ABCA13: variants seen among roughly 807,000 people sequenced by gnomAD.
The protein encoded by ABCA13 is ATP binding cassette subfamily A member 13.
ABCA13 carries 476 observed loss-of-function variants against 478.7 expected under a neutral mutation model. The ratio of observed to expected loss-of-function variants is 0.99; its 90% CI spans 0.92 to 1.07. The LOEUF is 1.07. Among genes scored for constraint, ABCA13 ranks in the 50% least tolerant of loss-of-function variants. ABCA13 has a pLI of 0.00. For missense variants in ABCA13, 6,060 were observed against 5,910.6 expected (o/e 1.03, Z -0.83); for synonymous variants, 2,252 against 2,158.9 (o/e 1.04, Z -1.20).
intron 43 of ABCA13, among the ~76,000 whole-genome samples, chr7:48,459,031 A>G (rs1013912606): frequency 2.0e-5 from 3 of 152,162 alleles, no homozygotes; most frequent in African/African-American, 7.2e-5. Flanking sequence ...TTCTGAATCA[A>G]CTTGCTCTGA....
chr7:48,385,076 C>G (rs193042477), intron 35 of ABCA13, among the ~76,000 whole-genome samples: 1 of 152,222 alleles, frequency 6.6e-6, no homozygotes, highest in East Asian at 1.9e-4. Flanking sequence ...ACAACTCAGC[C>G]CACAAAGAAA....
intron 48 of ABCA13, among the ~76,000 whole-genome samples, chr7:48,502,695 A>G (rs564395892): frequency 1.3e-5 from 2 of 152,344 alleles, no homozygotes; most frequent in South Asian, 4.1e-4. Context: ...CTGTCAGTCT[A>G]TAGGAACATT....
chr7:48,488,248 T>C (rs1829523231), intron 47 of ABCA13, among the ~76,000 whole-genome samples: 1 of 151,478 alleles, frequency 6.6e-6, no homozygotes, highest in African/African-American at 2.4e-5. Flanking sequence ...TTTTTTTTTT[T>C]CTCTTTTTGG....
chr7:48,579,203 T>C (rs1788469429), intron 55 of ABCA13, among the ~76,000 whole-genome samples: 2 of 151,298 alleles, frequency 1.3e-5, no homozygotes, highest in Admixed American at 6.6e-5. Context: ...AGTCAATCCA[T>C]AGACTGGGAA....
At chr7:48,401,920 A>G (rs1817666799) in intron 38 of ABCA13, among the ~76,000 whole-genome samples, 1 of 152,214 alleles carries the variant, frequency 6.6e-6, no homozygotes, top group African/African-American at 2.4e-5. Context: ...TGCATAAGAT[A>G]TAATAGAGAG....
At chr7:48,424,205 TTA>T (rs1821122112) in intron 41 of ABCA13, among the ~76,000 whole-genome samples, 1 of 152,374 alleles carries the variant, frequency 6.6e-6, no homozygotes, top group South Asian at 2.1e-4. Context: ...GGAAGATTGT[TTA>T]TATGTTTTGA....
intron 20 of ABCA13, among the ~76,000 whole-genome samples, chr7:48,293,204 C>CCCCCCCCCCCCCCCCCCAA (rs1554419805): frequency 7.6e-6 from 1 of 131,446 alleles, no homozygotes; most frequent in Admixed American, 7.6e-5. Flanking sequence ...CCCCCCCCCG[C>CCCCCCCCCCCCCCCCCCAA]CACACACACA....
rs750733994 is a variant in ABCA13 at position 48,272,894 on chromosome 7, T to C, written c.3228T>C (p.Arg1076=). 1 of 1,610,098 alleles carries C rather than the reference T, an allele frequency of 6.2e-7. No individual in the cohort carries two copies. The part of the protein sequence containing the change: ...KQLLIIDEDF[R]ISLFQYMSQF... ...TGCTCATAATTGATGAAGATTTTCG[T>C]ATTTCTTTATTTCAATATATGAGCC... Residue 1076 remains arginine (R), a synonymous_variant, in exon 17 of 62, where the codon CGT becomes CGC. Transcript: ENST00000435803.
rs914222442 is a variant in ABCA13 at position 48,388,113 on chromosome 7, A to G, written c.11473+154A>G. Among the ~76,000 whole-genome samples the G allele has an allele frequency of 3.9e-5, 6 of 152,138 alleles. No individual in the cohort carries two copies. The East Asian group carries it at 1.2e-3, about 29-fold the overall frequency. ...TGTCTTGGGCTGGGAAACAGCTGCA[A>G]GCCCAAGATGTGGGAAAGTATGCCA... On this transcript the variant is annotated intron_variant, in intron 36 of 61. Transcript: ENST00000435803.
Position 48,403,739 on chromosome 7 carries a change from C to G in ABCA13, c.11930C>G (p.Ser3977Cys). ...QHQHKQTRAL[S>C]GGLKRKLSLG... ...CAGCACAAACAGACCCGAGCTCTGT[C>G]TGGAGGCCTGAAGAGGAAGCTCTCC... Residue 3977 changes from serine to cysteine, a missense_variant, in exon 39 of 62, where the codon TCT becomes TGT. Transcript: ENST00000435803. The G allele has an allele frequency of 1.9e-6, 3 of 1,613,988 alleles. No homozygotes were observed. The highest frequency in any genetic ancestry group is 2.2e-5 in the South Asian group (2 of 91,072).
intron 40 of ABCA13, among the ~76,000 whole-genome samples, chr7:48,411,043 CTT>C (rs1224699953): frequency 4.5e-5 from 4 of 89,380 alleles, no homozygotes; most frequent in African/African-American, 1.2e-4. Flanking sequence ...TTCTTTCTTT[CTT>C]TCTTTTTCTT....
chr7:48,260,943 T>C (rs1235647842), intron 15 of ABCA13, among the ~76,000 whole-genome samples: 1 of 152,040 alleles, frequency 6.6e-6, no homozygotes, highest in Non-Finnish European at 1.5e-5. Context: ...AGCAACTTTT[T>C]CAGGGAACAC....
chr7:48,175,883 A>G (rs1016024555), intron 1 of ABCA13, among the ~76,000 whole-genome samples: 6 of 96,676 alleles, frequency 6.2e-5, no homozygotes, highest in African/African-American at 2.2e-4. Context: ...AAGAATTAAT[A>G]ACAACAACAA....
chr7:48,590,213 C>T (rs1380579444), intron 57 of ABCA13, among the ~76,000 whole-genome samples: 1 of 151,952 alleles, frequency 6.6e-6, no homozygotes, highest in African/African-American at 2.4e-5. Context: ...CCTCCAGATT[C>T]ACTTATGTTG....
chr7:48,240,478 C>T (rs17712132), intron 9 of ABCA13, among the ~76,000 whole-genome samples: 14,437 of 152,194 alleles, frequency 0.095, 779 homozygotes, highest in South Asian at 0.17. Context: ...CGTAAAATGA[C>T]ACTTAGTAAC....
intron 17 of ABCA13, among the ~76,000 whole-genome samples, 199 bp downstream of exon 17, chr7:48,276,764 T>C (rs1197522909): frequency 6.6e-6 from 1 of 152,198 alleles, no homozygotes; most frequent in Non-Finnish European, 1.5e-5. Flanking sequence ...TAGTAAAATA[T>C]AAACCCAGCC....
chr7:48,174,211 C>T (rs1794537270), intron 1 of ABCA13, among the ~76,000 whole-genome samples: 1 of 152,092 alleles, frequency 6.6e-6, no homozygotes, highest in Non-Finnish European at 1.5e-5. Flanking sequence ...AATAAATGGC[C>T]TCAAATACAT....
chr7:48,261,545 G>A (rs1370644519), intron 15 of ABCA13, among the ~76,000 whole-genome samples: 1 of 151,008 alleles, frequency 6.6e-6, no homozygotes, highest in Non-Finnish European at 1.5e-5. Context: ...TAATCTTTTA[G>A]GATATTTTTT....
chr7:48,354,317 T>C (rs1809543423), intron 31 of ABCA13, among the ~76,000 whole-genome samples: 1 of 152,008 alleles, frequency 6.6e-6, no homozygotes. Flanking sequence ...GGGGGTTTAC[T>C]TTGTCCACTC....
Sources: gnomAD v4.1 joint callset for allele counts (sites outside exome capture counted in the v4.1 genomes callset) on GRCh38, gnomAD v4.1.1 for gene constraint, MANE v1.5 for transcripts, NCBI Gene and HGNC (gene_info 2026-07-23, HGNC 2026-07-21) for gene names.